COPZ1: variants seen among roughly 807,000 people sequenced by gnomAD.
COPZ1 encodes the protein coat protein complex I subunit zeta 1.
A neutral mutation model predicts 31.7 loss-of-function variants in COPZ1; 4 were observed. The ratio of observed to expected loss-of-function variants is 0.13; its 90% confidence interval spans 0.06 to 0.29. COPZ1 has a LOEUF of 0.29. Ranked by LOEUF, COPZ1 falls within the 10% of genes least tolerant of loss-of-function variation. The probability of loss-of-function intolerance (pLI) is 1.00; values close to 1 mark genes in which losing one functional copy is unlikely to be tolerated. For missense variants in COPZ1, 156 were observed against 211.5 expected (o/e 0.74, Z 1.63); for synonymous variants, 74 against 79.0 (o/e 0.94, Z 0.33).
chr12:54,333,394 T>G (rs1436443045), intron 1 of COPZ1, among the ~76,000 whole-genome samples: 2 of 152,120 alleles, frequency 1.3e-5, no homozygotes, highest in East Asian at 3.8e-4. Context: ...GGGAATAAGG[T>G]CCATAGATGT....
intron 7 of COPZ1, 77 bp downstream of exon 7, chr12:54,348,128 C>A: frequency 7.4e-7 from 1 of 1,357,842 alleles, no homozygotes; most frequent in South Asian, 1.2e-5. Context: ...CTGGATGTGT[C>A]CAGTAGTTGG....
intron 1 of COPZ1, among the ~76,000 whole-genome samples, chr12:54,332,053 C>T (rs777505539): frequency 5.3e-5 from 8 of 152,182 alleles, no homozygotes; most frequent in Admixed American, 1.3e-4. Context: ...AGGCCGGGCG[C>T]GGTGGCTCAC....
intron 1 of COPZ1, 140 bp from the exon 2 acceptor site, chr12:54,340,407 A>T (rs955750164): frequency 6.4e-5 from 88 of 1,383,800 alleles, no homozygotes; most frequent in Non-Finnish European, 8.1e-5. Flanking sequence ...GAAATATCAA[A>T]ATCTGACCAA....
intron 1 of COPZ1, among the ~76,000 whole-genome samples, chr12:54,332,970 C>T (rs1953783983): frequency 6.6e-6 from 1 of 152,068 alleles, no homozygotes; most frequent in Admixed American, 6.6e-5. Context: ...CTTATTATCT[C>T]CAGAGAGAAT....
chr12:54,334,797 C>G (rs1428910162), intron 1 of COPZ1, among the ~76,000 whole-genome samples: 2 of 152,048 alleles, frequency 1.3e-5, no homozygotes, highest in Non-Finnish European at 2.9e-5. Context: ...GCAGAGCTTG[C>G]AGCGAGCCGA....
At chr12:54,349,797 A>G in intron 8 of COPZ1, 139 bp downstream of exon 8, 7 of 798,464 alleles carry the variant, frequency 8.8e-6, no homozygotes, top group Non-Finnish European at 1.6e-5. Flanking sequence ...ATTCCAGAGA[A>G]CTGGGACTCA....
chr12:54,347,970 T>C (rs749939873), intron 6 of COPZ1, 30 bp from the exon 7 acceptor site: 1 of 1,611,902 alleles, frequency 6.2e-7, no homozygotes, highest in Non-Finnish European at 8.5e-7. Context: ...CGGGACAGAG[T>C]GAACAATGAT....
At chr12:54,328,219 T>C (rs1482463140) in intron 1 of COPZ1, among the ~76,000 whole-genome samples, 1 of 147,080 alleles carries the variant, frequency 6.8e-6, no homozygotes, top group Non-Finnish European at 1.5e-5. Context: ...GAGGTTGCAG[T>C]GAGCCGAGAT....
In COPZ1 at chr12:54,351,811, G is replaced by C. The variant is rs759833188; in HGVS notation, c.*1288G>C. The C allele has an allele frequency of 6.6e-6, 1 of 152,174 alleles. No individual in the cohort carries two copies. Among genetic ancestry groups the C allele is most frequent in the Non-Finnish European group, 1.5e-5 (1 of 68,030 alleles). 9.4% of individuals were successfully genotyped at this position (152,174 alleles called of 1,614,324 possible). A position where few individuals can be genotyped will look rare whatever the true frequency, so the allele number is the denominator to read the frequency against. On this transcript the variant is annotated 3_prime_UTR_variant, in exon 9 of 9. Transcript: ENST00000262061. Reference sequence around the variant, plus strand: ...CAGGAGAAAACCACCTTCATAAACTGCTCTGTGCAAAGAGGAATAAAACAT... The same window carrying C: ...CAGGAGAAAACCACCTTCATAAACTCCTCTGTGCAAAGAGGAATAAAACAT...
intron 1 of COPZ1, among the ~76,000 whole-genome samples, chr12:54,339,123 T>C (rs1307834163): frequency 6.6e-6 from 1 of 152,016 alleles, no homozygotes. Flanking sequence ...TGGTAAGTAA[T>C]GTTGATTAGA....
At position 54,350,633 on chromosome 12, in the gene COPZ1, G is replaced by C; in HGVS notation, c.*110G>C. The C allele has an allele frequency of 1.1e-6, 1 of 894,320 alleles. No homozygotes were observed. Among genetic ancestry groups the C allele is most frequent in the South Asian group, 1.3e-5 (1 of 75,484 alleles). 55.4% of individuals were successfully genotyped at this position (894,320 alleles called of 1,614,324 possible). On this transcript the variant is annotated 3_prime_UTR_variant, in exon 9 of 9. Transcript: ENST00000262061. ...TCTCAGGGTCATCTCGGGGATCACAGGGATCCTTAAATCTCCATTCTGTTT... is the reference window on the plus strand; with the variant it reads ...TCTCAGGGTCATCTCGGGGATCACACGGATCCTTAAATCTCCATTCTGTTT...
At chr12:54,336,610 T>C (rs1953870241) in intron 1 of COPZ1, among the ~76,000 whole-genome samples, 3 of 152,058 alleles carry the variant, frequency 2.0e-5, no homozygotes, top group African/African-American at 7.2e-5. Context: ...CTGTGGAAGC[T>C]GCAGGTCACC....
rs1220404257 is a variant in COPZ1 at position 54,350,434 on chromosome 12, C to T, written c.487-42C>T. The T allele has an allele frequency of 2.5e-6, 4 of 1,575,072 alleles. No individual in the cohort carries two copies. The Admixed American group carries it at 5.0e-5, about 20-fold the overall frequency. On this transcript the variant is annotated intron_variant, in intron 8 of 8. Coordinates refer to ENST00000262061, the MANE Select transcript of COPZ1 (RefSeq NM_016057.3). ...TCCCCAGCCCTCATCCTTACCCTGC[C>T]CTGTCAGCAAGCTTTCCTCAATGCT...
chr12:54,328,242 C>G (rs1201061165), intron 1 of COPZ1, among the ~76,000 whole-genome samples: 1 of 143,816 alleles, frequency 7.0e-6, no homozygotes, highest in Non-Finnish European at 1.5e-5. Context: ...CGCCACTGCA[C>G]TCCAGCCCAG....
At chr12:54,340,698 C>A in intron 2 of COPZ1, 83 bp downstream of exon 2, 1 of 1,352,588 alleles carries the variant, frequency 7.4e-7, no homozygotes, top group Non-Finnish European at 1.0e-6. Context: ...ACCTTATTAA[C>A]TTATGTTCCT....
At chr12:54,326,425 C>T (rs1053231180) in intron 1 of COPZ1, among the ~76,000 whole-genome samples, 4 of 148,574 alleles carry the variant, frequency 2.7e-5, no homozygotes, top group Non-Finnish European at 3.0e-5. Flanking sequence ...CAGGCGTGAG[C>T]CACTGCGCCG....
intron 3 of COPZ1, chr12:54,342,541 T>C: frequency 5.9e-6 from 3 of 507,956 alleles, no homozygotes; most frequent in South Asian, 2.2e-5. Context: ...ACAAATTTAA[T>C]TGCAGCTCTG....
intron 1 of COPZ1, among the ~76,000 whole-genome samples, chr12:54,338,689 T>C (rs1190449277): frequency 6.6e-6 from 1 of 152,250 alleles, no homozygotes; most frequent in Non-Finnish European, 1.5e-5. Flanking sequence ...CTCTGAATTA[T>C]TCACCAAATA....
At chr12:54,331,886 C>G (rs2137087954) in intron 1 of COPZ1, among the ~76,000 whole-genome samples, 1 of 152,304 alleles carries the variant, frequency 6.6e-6, no homozygotes, top group East Asian at 1.9e-4. Context: ...ATGGTGCTCT[C>G]AGGCCTCAGG....
Sources: gnomAD v4.1 joint callset for allele counts (sites outside exome capture counted in the v4.1 genomes callset) on GRCh38, gnomAD v4.1.1 for gene constraint, MANE v1.5 for transcripts, NCBI Gene and HGNC (gene_info 2026-07-23, HGNC 2026-07-21) for gene names.